Variants in RNF213 observed in about 807,000 individuals in gnomAD.
RNF213 encodes E3 ubiquitin-protein ligase RNF213.
RNF213 carries 341 observed loss-of-function variants against 514.4 expected under a neutral mutation model. The ratio of observed to expected loss-of-function variants is 0.66; its 90% CI spans 0.61 to 0.73. RNF213 has a LOEUF of 0.73. Among genes scored for constraint, RNF213 ranks in the 30% least tolerant of loss-of-function variants. RNF213 has a pLI of 0.00. For missense variants in RNF213, 5,767 were observed against 6,615.6 expected (o/e 0.87, Z 4.45); for synonymous variants, 2,655 against 2,658.2 (o/e 1.00, Z 0.04).
intron 55 of RNF213, 101 bp downstream of exon 55, chr17:80,379,815 C>T (rs2079913771): frequency 4.2e-6 from 4 of 943,190 alleles, no homozygotes; most frequent in Non-Finnish European, 6.8e-6. Flanking sequence ...GTACTAATTA[C>T]TCCAGTACAT....
In RNF213 at chr17:80,295,813, G is replaced by A; in HGVS notation, c.2012G>A (p.Ser671Asn). The stretch of plus-strand genomic sequence containing the variant: ...AGCCACATCCTTGGGATACCTCAGA[G>A]GTATTATTATTTTTTGTCAAAATGT... ...DLSHILGIPQ[S>N]WRLYLVNLCQ... Residue 671 changes from serine to asparagine, a missense_variant and splice_region_variant, in exon 10 of 68, where the codon AGC becomes AAC. Coordinates refer to ENST00000582970, the MANE Select transcript of RNF213 (RefSeq NM_001256071.3). 6.2e-7 allele frequency: 1 copy of A among 1,613,996 alleles called. No homozygotes were observed. The highest frequency in any genetic ancestry group is 1.1e-5 in the South Asian group (1 of 91,068).
chr17:80,336,037 G>C, intron 22 of RNF213, 124 bp from the exon 23 acceptor site: 2 of 735,058 alleles, frequency 2.7e-6, no homozygotes, highest in Non-Finnish European at 4.3e-6. Flanking sequence ...AAAGCAGAAA[G>C]TGGACAGAAC....
Position 80,389,249 on chromosome 17 carries a change from C to T in RNF213, c.15077C>T (p.Ser5026Phe). ...TACAGCGATGCCTGTGAAGTGCTGT[C>T]TGTCGTAGAAGTCACTCTGGGGTTT... ...QSYSDACEVLSVVEVTLGFLS... is the reference protein window; with the variant it reads ...QSYSDACEVLFVVEVTLGFLS... The change falls in exon 65 of 68, where the codon TCT becomes TTT. Residue 5026 changes from serine (S) to phenylalanine (F), a missense_variant. Physicochemically the swap from Ser to Phe is radical, Grantham distance 155. Around this residue, in one of 13 missense-constraint regions of RNF213, gnomAD observed 1,245 missense variants for 1,339.0 expected, o/e 0.93. Transcript: ENST00000582970. The T allele has an allele frequency of 6.2e-7, 1 of 1,614,220 alleles. No homozygotes were observed. Among genetic ancestry groups the T allele is most frequent in the Non-Finnish European group, 8.5e-7 (1 of 1,180,016 alleles).
chr17:80,377,739 T>C lies in RNF213; in HGVS notation c.13511-23T>C. 1.2e-6 allele frequency: 2 copies of C among 1,614,064 alleles called. No individual in the cohort carries two copies. The highest frequency in any genetic ancestry group is 1.7e-6 in the Non-Finnish European group (2 of 1,179,926). On this transcript the variant is annotated intron_variant, in intron 53 of 67. Coordinates refer to ENST00000582970, the MANE Select transcript of RNF213 (RefSeq NM_001256071.3). This position sits in a 1 kb window ranked among gnomAD's most constrained non-coding sequence, Gnocchi z 4.1. ...CATTGGGTGAAACCTCATTAGCCAA[T>C]GTGTGTCCTGTTCTCTTCACAGCTT...
At chr17:80,363,530 A>G in intron 40 of RNF213, 79 bp from the exon 41 acceptor site, 4 of 1,504,380 alleles carry the variant, frequency 2.7e-6, no homozygotes, top group Non-Finnish European at 9.2e-7. Context: ...ACAAGTATAC[A>G]TGCAGCTAAC....
rs750835677 is a variant in RNF213 at position 80,351,672 on chromosome 17, T to G, written c.10185-13T>G. 2.2e-6 allele frequency: 3 copies of G among 1,334,574 alleles called. No homozygotes were observed. In the Admixed American group the frequency reaches 5.1e-5, roughly 23 times the overall value. 82.7% of individuals were successfully genotyped at this position (1,334,574 alleles called of 1,614,324 possible). A position where few individuals can be genotyped will look rare whatever the true frequency, so the allele number is the denominator to read the frequency against. On this transcript the variant is annotated splice_polypyrimidine_tract_variant and intron_variant, in intron 31 of 67. Coordinates refer to ENST00000582970, the MANE Select transcript of RNF213 (RefSeq NM_001256071.3). ...TTTTTAAAATAGGTATTCTTTTTTTTTTCTTTAAATAGGTATTCTGTTATA... is the reference window on the plus strand; with the variant it reads ...TTTTTAAAATAGGTATTCTTTTTTTGTTCTTTAAATAGGTATTCTGTTATA...
chr17:80,293,719 C>T (rs1002920018), intron 8 of RNF213, among the ~76,000 whole-genome samples: 5 of 151,898 alleles, frequency 3.3e-5, no homozygotes, highest in South Asian at 2.1e-4. Context: ...CCCAGCTACT[C>T]GGGAGGCTGA....
chr17:80,273,180 T>C (rs2043884809), intron 2 of RNF213, 61 bp from the exon 3 acceptor site: 1 of 1,605,860 alleles, frequency 6.2e-7, no homozygotes, highest in South Asian at 1.1e-5. Context: ...GGATTTCTGT[T>C]TTTCCTTCCT....
intron 54 of RNF213, 132 bp from the exon 55 acceptor site, chr17:80,379,488 C>G: frequency 2.3e-6 from 2 of 887,320 alleles, no homozygotes; most frequent in South Asian, 2.7e-5. Flanking sequence ...CCACCCGAAA[C>G]AAGCACACAC....
chr17:80,337,409 G>A (rs750418642), intron 23 of RNF213, 177 bp from the exon 24 acceptor site: 8 of 705,062 alleles, frequency 1.1e-5, no homozygotes, highest in Non-Finnish European at 1.6e-5. Flanking sequence ...AGATCATGTT[G>A]TCAGGGTGGC....
intron 8 of RNF213, among the ~76,000 whole-genome samples, chr17:80,292,560 G>A (rs2044769582): frequency 6.6e-6 from 1 of 152,132 alleles, no homozygotes; most frequent in Admixed American, 6.6e-5. Flanking sequence ...AGCCCCGTCT[G>A]CAGGCTCCTG....
chr17:80,392,009 C>T (rs986617588), intron 67 of RNF213, among the ~76,000 whole-genome samples: 1 of 152,002 alleles, frequency 6.6e-6, no homozygotes, highest in Admixed American at 6.5e-5. Flanking sequence ...CTCAAGTGAT[C>T]TGCCCGTCTC....
intron 42 of RNF213, among the ~76,000 whole-genome samples, chr17:80,366,211 CGGGTGGGACTGCGGGCAT>C (rs2079265982): frequency 6.6e-6 from 1 of 152,144 alleles, no homozygotes; most frequent in East Asian, 1.9e-4. Flanking sequence ...CAGGATGGCA[CGGGTGGGACTGCGGGCAT>C]GGCTGGCTTT....
rs760015677 is a variant in RNF213 at position 80,385,014 on chromosome 17, T to C, written c.14323-25T>C. 1.9e-6 allele frequency: 3 copies of C among 1,605,900 alleles called. No homozygotes were observed. In the South Asian group the frequency reaches 3.3e-5, roughly 18 times the overall value. ...CATTTTTTAGGTAAATAAAAATTGT[T>C]ACTGGGTGGTCTTCCCTTCTCCAGG... is the stretch of plus-strand genomic sequence containing the variant. On this transcript the variant is annotated intron_variant, in intron 59 of 67. Transcript: ENST00000582970.
intron 50 of RNF213, 81 bp downstream of exon 50, chr17:80,374,670 T>A: frequency 6.6e-7 from 1 of 1,506,852 alleles, no homozygotes; most frequent in Non-Finnish European, 9.1e-7. Context: ...TGTCAAATGA[T>A]GCAGGGTGAT....
intron 2 of RNF213, among the ~76,000 whole-genome samples, chr17:80,272,899 A>G (rs2043872312): frequency 6.6e-6 from 1 of 152,172 alleles, no homozygotes; most frequent in African/African-American, 2.4e-5. Context: ...AGGGGAGGAA[A>G]GCGTAACAGG....
intron 36 of RNF213, among the ~76,000 whole-genome samples, chr17:80,356,840 A>G (rs1202367105): frequency 6.6e-6 from 1 of 151,956 alleles, no homozygotes; most frequent in Non-Finnish European, 1.5e-5. Context: ...TCTGTACTAT[A>G]TATTTAAAAA....
intron 11 of RNF213, among the ~76,000 whole-genome samples, chr17:80,303,704 C>T (rs984929187): frequency 6.6e-6 from 1 of 151,604 alleles, no homozygotes; most frequent in Non-Finnish European, 1.5e-5. Context: ...GCTGGGACTA[C>T]AGGTGCATGT....
At position 80,371,140 on chromosome 17, in the gene RNF213, C is replaced by A. The variant is rs529769101; in HGVS notation, c.12426-734C>A. Among the ~76,000 whole-genome samples the A allele has an allele frequency of 4.6e-5, 7 of 152,246 alleles. No homozygotes were observed. The South Asian group carries it at 1.2e-3, about 27-fold the overall frequency. On this transcript the variant is annotated intron_variant, in intron 46 of 67. Coordinates refer to ENST00000582970, the MANE Select transcript of RNF213 (RefSeq NM_001256071.3). The stretch of plus-strand genomic sequence containing the variant: ...CATGTGGGTCAAAAAAGAAAAAAAT[C>A]TATTTAAAGTATGGGCAGACCTTTT...
Sources: allele counts gnomAD v4.1 joint callset (sites outside exome capture counted in the v4.1 genomes callset), GRCh38; gene constraint gnomAD v4.1.1; regional missense constraint gnomAD v4.1.1; non-coding constraint Gnocchi (gnomAD v3.1); transcripts MANE v1.5; gene names NCBI Gene and HGNC (gene_info 2026-07-23, HGNC 2026-07-21).